Variants in ELAPOR2 observed in about 807,000 individuals in gnomAD.
ELAPOR2 encodes the protein endosome-lysosome associated apoptosis and autophagy regulator family member 2, also known as endosome/lysosome-associated apoptosis and autophagy regulator family member 2.
A neutral mutation model predicts 120.7 loss-of-function variants in ELAPOR2; 89 were observed. That is an observed-to-expected ratio of 0.74 (90% CI 0.62 to 0.88). The LOEUF is 0.88. Among genes scored for constraint, ELAPOR2 ranks in the 40% least tolerant of loss-of-function variants. The probability of loss-of-function intolerance (pLI) is 0.00; values close to 1 mark genes in which losing one functional copy is unlikely to be tolerated. For synonymous variants in ELAPOR2, 444 were observed against 444.9 expected (o/e 1.00, Z 0.03); for missense variants, 1,134 against 1,251.6 (o/e 0.91, Z 1.42).
chr7:87,014,027 CTTTTT>C (rs35583728), intron 1 of ELAPOR2, among the ~76,000 whole-genome samples: 3 of 122,430 alleles, frequency 2.5e-5, no homozygotes, highest in Admixed American at 8.4e-5. Flanking sequence ...ATGTTTTTCA[CTTTTT>C]TTTTTTTTTT....
chr7:87,009,895 A>G (rs9886350), intron 1 of ELAPOR2, among the ~76,000 whole-genome samples: 57,606 of 152,094 alleles, frequency 0.38, 11,750 homozygotes, highest in African/African-American at 0.53. Flanking sequence ...AGTAAACCTA[A>G]AAAAGCTTTA....
Position 86,907,767 on chromosome 7 carries a change from A to G in ELAPOR2, c.2461T>C (p.Ser821Pro), listed in dbSNP as rs1228828130. ...TTAATACAAGATGTTGTTGCTGTAG[A>G]AGACCTATTGTAAGCCAAATAACAT... ...IPDVHFFYKS[S>P]TATTSCINGR... is the part of the protein sequence containing the mutation. Residue 821 changes from serine (S) to proline (P), a missense_variant, in exon 18 of 22, where the codon TCT becomes CCT. By Grantham distance (74) the Ser-to-Pro change is moderately conservative (BLOSUM62 -1). Around this residue, in one of 3 missense-constraint regions of ELAPOR2, gnomAD observed 831 missense variants for 867.6 expected, o/e 0.96. Transcript: ENST00000450689. The G allele has an allele frequency of 1.9e-6, 3 of 1,552,630 alleles. No homozygotes were observed. In the South Asian group the frequency reaches 3.7e-5, roughly 19 times the overall value.
rs147696033 is a variant in ELAPOR2, at chr7:87,009,853, G to A, written c.190-44829C>T. 2.8e-3 allele frequency among the ~76,000 whole-genome samples: 421 copies of A among 152,266 alleles called. 1 individual carries two copies. The highest frequency in any genetic ancestry group is 9.8e-3 in the African/African-American group (407 of 41,550). On this transcript the variant is annotated intron_variant, in intron 1 of 21. Coordinates refer to ENST00000450689, the MANE Select transcript of ELAPOR2 (RefSeq NM_001142749.3). ...CTCCACAGTACAACGAGGGTTATTT[G>A]TATGAATTTATTAGCTCTTCTGTTT...
chr7:87,040,182 C>G (rs529017735), intron 1 of ELAPOR2, among the ~76,000 whole-genome samples: 7 of 152,154 alleles, frequency 4.6e-5, no homozygotes, highest in African/African-American at 1.7e-4. Context: ...AAGGCGGCAG[C>G]GAGGCTGGGG....
chr7:86,985,430 A>G (rs1792689872), intron 1 of ELAPOR2, among the ~76,000 whole-genome samples: 1 of 152,218 alleles, frequency 6.6e-6, no homozygotes, highest in Admixed American at 6.5e-5. Context: ...ACATTGATGT[A>G]AAAATCCTCA....
At chr7:86,960,418 T>C (rs1029224743) in intron 2 of ELAPOR2, among the ~76,000 whole-genome samples, 2 of 151,990 alleles carry the variant, frequency 1.3e-5, no homozygotes, top group Admixed American at 6.6e-5. Flanking sequence ...ACCTGGCTGA[T>C]TTTTTTGTAT....
intron 8 of ELAPOR2, among the ~76,000 whole-genome samples, chr7:86,930,591 A>G (rs970335649): frequency 9.9e-5 from 15 of 151,970 alleles, no homozygotes; most frequent in Admixed American, 9.9e-4. Context: ...AGACATTTGA[A>G]TATCAAGCCA....
chr7:86,880,491 A>C lies in ELAPOR2; in HGVS notation c.3070T>G (p.Ser1024Ala). Residue 1024 changes from serine (S) to alanine (A), a missense_variant, in exon 22 of 22, where the codon TCA becomes GCA. Ser to Ala is a moderately conservative substitution (Grantham distance 99, BLOSUM62 1). Transcript: ENST00000450689. ...DHFESVQLKT[S>A]RSPNI ...TCTCTTCATATATTTGGGGATCTTG[A>C]GGTTTTCAGTTGAACAGATTCAAAA... 2 of 1,610,110 alleles carry C rather than the reference A, an allele frequency of 1.2e-6. No individual in the cohort carries two copies. Among genetic ancestry groups the C allele is most frequent in the Non-Finnish European group, 1.7e-6 (2 of 1,176,638 alleles).
chr7:86,973,980 G>A (rs1583930987), intron 1 of ELAPOR2, among the ~76,000 whole-genome samples: 2 of 151,816 alleles, frequency 1.3e-5, no homozygotes, highest in African/African-American at 4.8e-5. Flanking sequence ...TTCTTAGAAG[G>A]GAGGGAGGAT....
intron 1 of ELAPOR2, among the ~76,000 whole-genome samples, chr7:86,994,202 G>A (rs1394377727): frequency 6.6e-6 from 1 of 152,154 alleles, no homozygotes; most frequent in East Asian, 1.9e-4. Context: ...AGAGGGAAGG[G>A]CAAAAACATA....
At position 86,877,127 on chromosome 7, in the gene ELAPOR2, T is replaced by C. The variant is rs1294449280; in HGVS notation, c.*3344A>G. 1 of 152,174 alleles carries C rather than the reference T, an allele frequency of 6.6e-6. No homozygotes were observed. The allele number at this position is 152,174 out of a possible 1,614,324, so 9.4% of individuals were successfully genotyped here. On this transcript the variant is annotated 3_prime_UTR_variant, in exon 22 of 22. Coordinates refer to ENST00000450689, the MANE Select transcript of ELAPOR2 (RefSeq NM_001142749.3). Reference sequence around the variant, plus strand: ...TAATCATAATAGCGAATAATATCAATTATAATAGTAAATATAATTCTCTTT... The same window carrying C: ...TAATCATAATAGCGAATAATATCAACTATAATAGTAAATATAATTCTCTTT...
At chr7:86,903,125 C>T (rs374458090) in intron 18 of ELAPOR2, among the ~76,000 whole-genome samples, 99 of 152,198 alleles carry the variant, frequency 6.5e-4, no homozygotes, top group African/African-American at 2.3e-3. Context: ...TTCAGATTAT[C>T]TTGTTTAATG....
At chr7:86,908,805 C>A (rs1260958444) in intron 16 of ELAPOR2, among the ~76,000 whole-genome samples, 2 of 152,030 alleles carry the variant, frequency 1.3e-5, no homozygotes, top group South Asian at 2.1e-4. Context: ...GAATCTAATG[C>A]AAGCAGTAAT....
At position 86,942,019 on chromosome 7, in the gene ELAPOR2, G is replaced by A; in HGVS notation, c.740C>T (p.Ser247Phe). 1 of 1,539,284 alleles carries A rather than the reference G, an allele frequency of 6.5e-7. No individual in the cohort carries two copies. The highest frequency in any genetic ancestry group is 8.8e-7 in the Non-Finnish European group (1 of 1,136,136). The change falls in exon 5 of 22, where the codon TCT (serine) becomes TTT (phenylalanine). Residue 247 changes from serine (S) to phenylalanine (F), a missense_variant and splice_region_variant. Coordinates refer to ENST00000450689, the MANE Select transcript of ELAPOR2 (RefSeq NM_001142749.3). ...LTDNGEWGSH[S>F]VMLKSGTNIL... ...AGAAGGAAATACAAAGAGACTTACA[G>A]AATGAGAGCCCCATTCTCCATTGTC...
chr7:86,983,720 C>A (rs1792600442), intron 1 of ELAPOR2, among the ~76,000 whole-genome samples: 2 of 152,192 alleles, frequency 1.3e-5, no homozygotes, highest in Admixed American at 1.3e-4. Context: ...TGGTACCAGC[C>A]ACTGCAAAAA....
chr7:86,905,124 A>AAGGG (rs1562910006), intron 18 of ELAPOR2, among the ~76,000 whole-genome samples: 1 of 147,796 alleles, frequency 6.8e-6, no homozygotes, highest in Non-Finnish European at 1.5e-5. Context: ...GGAAGGAAGG[A>AAGGG]AGGAAAGAAA....
Position 86,924,703 on chromosome 7 carries a change from A to G in ELAPOR2, c.1399+825T>C, listed in dbSNP as rs1789985701. On this transcript the variant is annotated intron_variant, in intron 10 of 21. Transcript: ENST00000450689. ...TTATTCAAAAACCTATTATTTGTCA[A>G]TCTCTGTGCTCATGTATACACCTCA... Among the ~76,000 whole-genome samples the G allele has an allele frequency of 2.0e-5, 3 of 151,458 alleles. No homozygotes were observed. In the South Asian group the frequency reaches 6.2e-4, roughly 31 times the overall value.
chr7:87,024,321 T>A (rs1235535402), intron 1 of ELAPOR2, among the ~76,000 whole-genome samples: 2 of 152,212 alleles, frequency 1.3e-5, no homozygotes, highest in South Asian at 2.1e-4. Context: ...ATTGAGATAG[T>A]CATGTGGTTT....
chr7:86,940,157 T>C lies in ELAPOR2; in HGVS notation c.742-42A>G, dbSNP rs201002999. 5 of 1,280,598 alleles carry C rather than the reference T, an allele frequency of 3.9e-6. No homozygotes were observed. The African/African-American group carries it at 5.9e-5, about 15-fold the overall frequency. The allele number at this position is 1,280,598 out of a possible 1,614,324, so 79.3% of individuals were successfully genotyped here. ...AAAGGCACTTAGGGCAGATAAGCCA[T>C]GCCATTTCCAAAAGCTACTCCCTTA... On this transcript the variant is annotated intron_variant, in intron 5 of 21. Transcript: ENST00000450689.
Sources: allele counts gnomAD v4.1 joint callset (sites outside exome capture counted in the v4.1 genomes callset), GRCh38; gene constraint gnomAD v4.1.1; regional missense constraint gnomAD v4.1.1; transcripts MANE v1.5; gene names NCBI Gene and HGNC (gene_info 2026-07-23, HGNC 2026-07-21).